The following TCF12 variants were observed in gnomAD, a reference collection of about 807,000 sequenced individuals.
TCF12 encodes the protein DNA-binding protein HTF4.
In TCF12, 45 loss-of-function variants were observed where a neutral mutation model predicts 86.0. The observed-to-expected ratio is 0.52, with a 90% CI of 0.41 to 0.67. The LOEUF (loss-of-function observed/expected upper bound fraction) is 0.67, where lower values mean the gene tolerates loss of function less well. Ranked by LOEUF, TCF12 falls within the 30% of genes least tolerant of loss-of-function variation. The pLI is 0.00. For missense variants in TCF12, 881 were observed against 859.9 expected (o/e 1.02, Z -0.31); for synonymous variants, 330 against 299.6 (o/e 1.10, Z -1.05).
intron 5 of TCF12, among the ~76,000 whole-genome samples, chr15:57,120,829 G>C (rs2051176593): frequency 2.0e-5 from 3 of 152,112 alleles, no homozygotes; most frequent in Admixed American, 1.3e-4. Flanking sequence ...TGTTAAGTGG[G>C]CTCAGAAAAT....
At chr15:57,182,527 A>G (rs1456197403) in intron 6 of TCF12, among the ~76,000 whole-genome samples, 1 of 152,180 alleles carries the variant, frequency 6.6e-6, no homozygotes, top group Non-Finnish European at 1.5e-5. Flanking sequence ...ATTCTTAAAA[A>G]GAAACAATTT....
rs1246279133 is a variant in TCF12 at position 57,192,287 on chromosome 15, G to A, written c.520G>A (p.Ala174Thr). 2 of 1,613,962 alleles carry A rather than the reference G, an allele frequency of 1.2e-6. No homozygotes were observed. Among genetic ancestry groups the A allele is most frequent in the South Asian group, 2.2e-5 (2 of 91,070 alleles). Residue 174 changes from alanine (A) to threonine (T), a missense_variant, in exon 7 of 21, where the codon GCG becomes ACG. By Grantham distance (58) the Ala-to-Thr change is moderately conservative. Coordinates refer to ENST00000333725, the MANE Select transcript of TCF12 (RefSeq NM_207037.2). ...GAGGAGACCACTCCATGACTCTGCA[G>A]CGCTTGGTGAGTGTATCACACAACA... Reference protein sequence around the residue: ...SRRRPLHDSAALDPLQAKKVR... With the variant: ...SRRRPLHDSATLDPLQAKKVR...
chr15:57,031,165 A>G (rs574596686), intron 3 of TCF12, among the ~76,000 whole-genome samples: 1 of 152,154 alleles, frequency 6.6e-6, no homozygotes, highest in Admixed American at 6.5e-5. Flanking sequence ...CTCTCTCTAT[A>G]TTTTTCTGCC....
intron 3 of TCF12, among the ~76,000 whole-genome samples, chr15:56,960,111 A>G (rs1411019946): frequency 6.6e-6 from 1 of 152,204 alleles, no homozygotes; most frequent in African/African-American, 2.4e-5. Context: ...GCATTCGTCA[A>G]ATAAGTAATT....
chr15:57,104,840 A>G (rs1445360101), intron 5 of TCF12, among the ~76,000 whole-genome samples: 2 of 106,356 alleles, frequency 1.9e-5, no homozygotes, highest in Admixed American at 9.9e-5. Context: ...TTTCTCATCT[A>G]TCTTGCTGGT....
At chr15:57,060,506 G>C (rs1336655438) in intron 3 of TCF12, among the ~76,000 whole-genome samples, 1 of 152,158 alleles carries the variant, frequency 6.6e-6, no homozygotes, top group Non-Finnish European at 1.5e-5. Context: ...AAATTTATTA[G>C]AAAGTCAAAT....
intron 3 of TCF12, among the ~76,000 whole-genome samples, chr15:57,006,335 G>A (rs865841828): frequency 2.0e-5 from 3 of 151,282 alleles, no homozygotes; most frequent in Non-Finnish European, 4.4e-5. Context: ...ATGGAGTTTC[G>A]CTCTTGTCAC....
intron 5 of TCF12, among the ~76,000 whole-genome samples, chr15:57,112,304 T>C (rs2050547871): frequency 6.6e-6 from 1 of 152,172 alleles, no homozygotes; most frequent in Non-Finnish European, 1.5e-5. Flanking sequence ...AAGACTGTAG[T>C]GCAAAGAAGC....
At chr15:57,188,221 AT>A (rs1172879085) in intron 6 of TCF12, among the ~76,000 whole-genome samples, 6 of 151,498 alleles carry the variant, frequency 4.0e-5, no homozygotes, top group Admixed American at 6.6e-5. Context: ...AATTTCTTTA[AT>A]TTTTTTTTCA....
At chr15:57,207,891 C>G (rs2057909771) in intron 8 of TCF12, among the ~76,000 whole-genome samples, 1 of 152,032 alleles carries the variant, frequency 6.6e-6, no homozygotes, top group Non-Finnish European at 1.5e-5. Flanking sequence ...TGGGCTCCAT[C>G]TAGTAGATTC....
At chr15:57,250,525 T>G (rs1351491552) in intron 13 of TCF12, among the ~76,000 whole-genome samples, 1 of 152,068 alleles carries the variant, frequency 6.6e-6, no homozygotes, top group Non-Finnish European at 1.5e-5. Flanking sequence ...GGTCAGGAGT[T>G]CGAGACCAGC....
intron 5 of TCF12, among the ~76,000 whole-genome samples, chr15:57,107,075 CAATG>C (rs2050181595): frequency 6.6e-6 from 1 of 152,176 alleles, no homozygotes; most frequent in Admixed American, 6.5e-5. Context: ...GAAGTCTACA[CAATG>C]AAGTTGAAAA....
intron 3 of TCF12, among the ~76,000 whole-genome samples, chr15:57,032,962 C>T (rs1368251522): frequency 3.3e-5 from 5 of 152,018 alleles, no homozygotes; most frequent in African/African-American, 7.3e-5. Flanking sequence ...ACAAATGTTA[C>T]ACTAAAGTAT....
intron 20 of TCF12, among the ~76,000 whole-genome samples, chr15:57,284,490 G>A (rs1446216843): frequency 6.6e-6 from 1 of 152,168 alleles, no homozygotes; most frequent in Non-Finnish European, 1.5e-5. Context: ...CGTTACAGGC[G>A]TGAGCCGCTG....
intron 9 of TCF12, among the ~76,000 whole-genome samples, chr15:57,231,673 T>TG (rs2059146537): frequency 6.6e-6 from 1 of 152,170 alleles, no homozygotes; most frequent in Admixed American, 6.6e-5. Context: ...GAAAAAGTGT[T>TG]GCATTTCCTT....
At chr15:57,268,154 C>T (rs1253674336) in intron 18 of TCF12, among the ~76,000 whole-genome samples, 1 of 152,130 alleles carries the variant, frequency 6.6e-6, no homozygotes, top group Non-Finnish European at 1.5e-5. Flanking sequence ...GACCCTGGAA[C>T]ATTTTAGAAA....
intron 3 of TCF12, among the ~76,000 whole-genome samples, chr15:56,942,906 A>G (rs2060841311): frequency 6.6e-6 from 1 of 152,200 alleles, no homozygotes; most frequent in Non-Finnish European, 1.5e-5. Flanking sequence ...ACATGGGAAG[A>G]AAGTGTCAAA....
rs1166680866 is a variant in TCF12, at chr15:57,231,202, T to G, written c.630T>G (p.Ser210Arg). ...ATGATTTCAACCGTGAATCTCCTAGTTATCCATCTCCTAAGCCACCAACCA... is the reference window on the plus strand; with the variant it reads ...ATGATTTCAACCGTGAATCTCCTAGGTATCCATCTCCTAAGCCACCAACCA... ...NSDDFNRESP[S>R]YPSPKPPTSM... Residue 210 changes from serine to arginine, a missense_variant, in exon 9 of 21, where the codon AGT becomes AGG. Around this residue, in one of 3 missense-constraint regions of TCF12, gnomAD observed 766 missense variants for 718.9 expected, o/e 1.07. Transcript: ENST00000333725. 6.2e-7 allele frequency: 1 copy of G among 1,613,332 alleles called. No homozygotes were observed. Among genetic ancestry groups the G allele is most frequent in the South Asian group, 1.1e-5 (1 of 91,070 alleles).
intron 5 of TCF12, among the ~76,000 whole-genome samples, chr15:57,127,044 G>A (rs1474886111): frequency 4.7e-5 from 7 of 148,622 alleles, no homozygotes; most frequent in African/African-American, 7.4e-5. Context: ...GTGCAGTGGC[G>A]TGATCTCAGC....
Sources: allele counts gnomAD v4.1 joint callset (sites outside exome capture counted in the v4.1 genomes callset), GRCh38; gene constraint gnomAD v4.1.1; regional missense constraint gnomAD v4.1.1; transcripts MANE v1.5; gene names NCBI Gene and HGNC (gene_info 2026-07-23, HGNC 2026-07-21).